VAV3: variants seen among roughly 807,000 people sequenced by gnomAD.
VAV3 encodes guanine nucleotide exchange factor VAV3.
In VAV3, 94 loss-of-function variants were observed where a neutral mutation model predicts 131.2. The observed-to-expected ratio is 0.72, with a 90% confidence interval of 0.61 to 0.85. The LOEUF is 0.85. Among genes scored for constraint, VAV3 ranks in the 40% least tolerant of loss-of-function variants. VAV3 has a pLI of 0.00. For missense variants in VAV3, 939 were observed against 1,002.7 expected, an observed-to-expected ratio of 0.94 and a Z score of 0.86; for synonymous variants, 349 against 342.0, an observed-to-expected ratio of 1.02 and a Z score of -0.22.
At chr1:107,588,890 C>T (rs1375710056) in intron 25 of VAV3, among the ~76,000 whole-genome samples, 8 of 152,134 alleles carry the variant, frequency 5.3e-5, no homozygotes, top group Non-Finnish European at 8.8e-5. Context: ...TACAATGTTT[C>T]AGACAAATGG....
At chr1:107,602,206 C>T (rs1571343) in intron 24 of VAV3, among the ~76,000 whole-genome samples, 191 bp downstream of exon 24, 54,451 of 151,880 alleles carry the variant, frequency 0.36, 10,098 homozygotes, top group Middle Eastern at 0.42. Flanking sequence ...ATGAAGATTA[C>T]GATTCGAGCA....
intron 2 of VAV3, among the ~76,000 whole-genome samples, chr1:107,866,116 G>C (rs1669975477): frequency 6.6e-6 from 1 of 152,148 alleles, no homozygotes; most frequent in African/African-American, 2.4e-5. Context: ...AAAGTCCTAG[G>C]ATCAAGGTTA....
intron 19 of VAV3, among the ~76,000 whole-genome samples, chr1:107,670,652 G>T (rs1354460133): frequency 6.6e-6 from 1 of 152,036 alleles, no homozygotes; most frequent in African/African-American, 2.4e-5. Flanking sequence ...CTTTAGGTGG[G>T]GAAAGCAGTT....
intron 2 of VAV3, among the ~76,000 whole-genome samples, chr1:107,814,521 T>G (rs948918611): frequency 6.6e-6 from 1 of 152,230 alleles, no homozygotes; most frequent in African/African-American, 2.4e-5. Flanking sequence ...CAGTATATTC[T>G]GGATATTAGT....
intron 15 of VAV3, among the ~76,000 whole-genome samples, chr1:107,722,840 CT>C (rs374127110): frequency 6.1e-4 from 79 of 129,786 alleles, no homozygotes; most frequent in Admixed American, 1.0e-3. Flanking sequence ...ATTATCCTCT[CT>C]TTTTTTTTTT....
intron 6 of VAV3, among the ~76,000 whole-genome samples, chr1:107,769,325 G>A (rs1319139070): frequency 6.6e-6 from 1 of 152,146 alleles, no homozygotes. Context: ...TATCTAAGAA[G>A]TTAAGCATGG....
intron 19 of VAV3, among the ~76,000 whole-genome samples, chr1:107,681,643 G>A (rs1570743846): frequency 4.1e-5 from 6 of 144,654 alleles, no homozygotes; most frequent in African/African-American, 1.0e-4. Context: ...TTTATTATAC[G>A]TAATGGAAAA....
chr1:107,954,764 T>TGGGGGCGGGGGGG lies in VAV3; in HGVS notation c.204+9901_204+9902insCCCCCCCGCCCCC, dbSNP rs374683501. 1.7e-4 allele frequency among the ~76,000 whole-genome samples: 22 copies of TGGGGGCGGGGGGG among 133,042 alleles called. 1 individual carries two copies. Among genetic ancestry groups the TGGGGGCGGGGGGG allele is most frequent in the African/African-American group, 7.2e-4 (22 of 30,416 alleles). 87.3% of individuals were successfully genotyped at this position (133,042 alleles called of 152,430 possible). On this transcript the variant is annotated intron_variant, in intron 1 of 26. Coordinates refer to ENST00000370056, the MANE Select transcript of VAV3 (RefSeq NM_006113.5). The stretch of plus-strand genomic sequence containing the variant: ...AGCCCCACACAACAGGAAAATACCA[T>TGGGGGCGGGGGGG]GGGAGGGGGGGAAATTCATTGCAGT...
intron 15 of VAV3, among the ~76,000 whole-genome samples, chr1:107,743,702 T>C (rs1459973256): frequency 1.3e-5 from 2 of 152,170 alleles, no homozygotes; most frequent in African/African-American, 2.4e-5. Context: ...CTGAGCAATA[T>C]CTTTAGATTA....
intron 17 of VAV3, 98 bp downstream of exon 17, chr1:107,704,452 A>G: frequency 1.2e-6 from 1 of 842,192 alleles, no homozygotes; most frequent in Middle Eastern, 2.3e-4. Flanking sequence ...CAGATATGTT[A>G]CAATAAACAC....
Position 107,602,523 on chromosome 1 carries a change from T to G in VAV3, c.2133-39A>C. On this transcript the variant is annotated intron_variant, in intron 23 of 26. Transcript: ENST00000370056. ...ATAACTTATGAATATAAATGTGTTTTTAATCAGTAGAAATCAATAATTACC... is the reference window on the plus strand; with the variant it reads ...ATAACTTATGAATATAAATGTGTTTGTAATCAGTAGAAATCAATAATTACC... The G allele has an allele frequency of 2.0e-6, 3 of 1,480,146 alleles. No individual in the cohort carries two copies. The South Asian group carries it at 3.8e-5, about 19-fold the overall frequency. The allele number at this position is 1,480,146 out of a possible 1,614,324, so 91.7% of individuals were successfully genotyped here.
chr1:107,729,720 T>C lies in VAV3; in HGVS notation c.1502+19248A>G, dbSNP rs557403936. Among the ~76,000 whole-genome samples the C allele has an allele frequency of 2.6e-5, 4 of 152,320 alleles. No individual in the cohort carries two copies. The South Asian group carries it at 8.3e-4, about 32-fold the overall frequency. ...AAGATGAGCATCCAAAGCATAGCATTGTGCTTGGAATACAATGCTAATGTC... is the reference window on the plus strand; with the variant it reads ...AAGATGAGCATCCAAAGCATAGCATCGTGCTTGGAATACAATGCTAATGTC... On this transcript the variant is annotated intron_variant, in intron 15 of 26. Transcript: ENST00000370056.
In VAV3 at chr1:107,933,055, C is replaced by T. The variant is rs145606058; in HGVS notation, c.204+31611G>A. On this transcript the variant is annotated intron_variant, in intron 1 of 26. Transcript: ENST00000370056. ...TCCCAATGTTAAGGAATATATCTCC[C>T]CAATAAATATGCCTATGTATAAGAA... is the stretch of plus-strand genomic sequence containing the variant. 9.0e-3 allele frequency among the ~76,000 whole-genome samples: 1,363 copies of T among 152,194 alleles called. 13 individuals are homozygous for T. The highest frequency in any genetic ancestry group is 0.016 in the Non-Finnish European group (1,063 of 68,006).
chr1:107,746,435 C>A (rs974728383), intron 15 of VAV3, among the ~76,000 whole-genome samples: 1 of 152,184 alleles, frequency 6.6e-6, no homozygotes, highest in Non-Finnish European at 1.5e-5. Flanking sequence ...TGCTGAGATG[C>A]TTGGAAAACA....
At chr1:107,953,530 T>G (rs74457985) in intron 1 of VAV3, among the ~76,000 whole-genome samples, 1 of 152,226 alleles carries the variant, frequency 6.6e-6, no homozygotes, top group African/African-American at 2.4e-5. Flanking sequence ...TGCCTTGATA[T>G]GTGTAAAACA....
intron 9 of VAV3, among the ~76,000 whole-genome samples, chr1:107,762,033 A>C (rs1664467473): frequency 6.6e-6 from 1 of 152,012 alleles, no homozygotes; most frequent in Non-Finnish European, 1.5e-5. Flanking sequence ...ACTTAAAGCC[A>C]AGATTTGGCA....
chr1:107,941,707 T>C (rs1241936787), intron 1 of VAV3, among the ~76,000 whole-genome samples: 1 of 152,222 alleles, frequency 6.6e-6, no homozygotes, highest in Non-Finnish European at 1.5e-5. Context: ...CCCATCTTCC[T>C]GTCTCTTCCT....
intron 2 of VAV3, among the ~76,000 whole-genome samples, chr1:107,831,401 T>C (rs189932199): frequency 1.6e-4 from 24 of 152,270 alleles, no homozygotes; most frequent in Admixed American, 1.5e-3. Flanking sequence ...AAATGCAAAA[T>C]GAGCAAAGAT....
intron 2 of VAV3, among the ~76,000 whole-genome samples, chr1:107,803,920 C>T (rs1290441840): frequency 6.6e-6 from 1 of 151,792 alleles, no homozygotes; most frequent in Non-Finnish European, 1.5e-5. Flanking sequence ...CTTTTGTGTG[C>T]TTTAGTGTTG....
Sources: allele counts gnomAD v4.1 joint callset (sites outside exome capture counted in the v4.1 genomes callset), GRCh38; gene constraint gnomAD v4.1.1; transcripts MANE v1.5; gene names NCBI Gene and HGNC (gene_info 2026-07-23, HGNC 2026-07-21).